FMN2: variants seen among roughly 807,000 people sequenced by gnomAD.
FMN2 encodes formin-2.
Under a neutral mutation model 142.3 loss-of-function variants are expected in FMN2, and 51 were observed. That is an observed-to-expected ratio of 0.36 (90% CI 0.29 to 0.45). FMN2 has a LOEUF of 0.45. Ranked by LOEUF, FMN2 falls within the 20% of genes least tolerant of loss-of-function variation. The pLI is 1.00. For synonymous variants in FMN2, 882 were observed against 869.8 expected, an observed-to-expected ratio of 1.01 and a Z score of -0.25; for missense variants, 1,936 against 2,122.8, an observed-to-expected ratio of 0.91 and a Z score of 1.73.
intron 7 of FMN2, among the ~76,000 whole-genome samples, chr1:240,261,091 G>A (rs576350737): frequency 6.6e-6 from 1 of 152,266 alleles, no homozygotes; most frequent in South Asian, 2.1e-4. Context: ...TGGGTTGTCT[G>A]TTCTGTTTCA....
At chr1:240,119,112 G>A (rs559266837) in intron 1 of FMN2, among the ~76,000 whole-genome samples, 12 of 151,948 alleles carry the variant, frequency 7.9e-5, no homozygotes, top group Non-Finnish European at 1.2e-4. Flanking sequence ...GGCGGATCAC[G>A]AGGTCAGGAG....
chr1:240,437,834 A>G (rs1675451861), intron 15 of FMN2, among the ~76,000 whole-genome samples: 2 of 152,160 alleles, frequency 1.3e-5, no homozygotes, highest in African/African-American at 4.8e-5. Context: ...AGAATTGGTC[A>G]AGGGGTAGTT....
intron 6 of FMN2, among the ~76,000 whole-genome samples, chr1:240,257,373 G>A (rs546918144): frequency 3.3e-5 from 5 of 152,262 alleles, no homozygotes; most frequent in African/African-American, 9.6e-5. Context: ...TCCCCAAAAT[G>A]TGGGTCAAAT....
intron 16 of FMN2, 36 bp from the exon 17 acceptor site, chr1:240,472,336 G>C (rs750775834): frequency 7.9e-6 from 12 of 1,513,256 alleles, no homozygotes; most frequent in Non-Finnish European, 1.1e-5. Flanking sequence ...GATCTAAGTA[G>C]GTTTTGTTTA....
intron 8 of FMN2, among the ~76,000 whole-genome samples, chr1:240,317,684 A>G (rs1305301711): frequency 6.6e-6 from 1 of 152,018 alleles, no homozygotes; most frequent in Non-Finnish European, 1.5e-5. Context: ...TTTGGGTATT[A>G]CACACAAAAC....
chr1:240,445,202 T>C (rs1041371645), intron 16 of FMN2, among the ~76,000 whole-genome samples: 2 of 152,220 alleles, frequency 1.3e-5, no homozygotes, highest in Non-Finnish European at 2.9e-5. Flanking sequence ...CAGTAAGTAA[T>C]GCATTCAACA....
chr1:240,139,253 G>C (rs1215249715), intron 2 of FMN2, among the ~76,000 whole-genome samples: 2 of 140,402 alleles, frequency 1.4e-5, no homozygotes, highest in East Asian at 4.0e-4. Context: ...AGGGTAGATA[G>C]AGGGTGATGC....
At chr1:240,134,349 G>A in intron 2 of FMN2, among the ~76,000 whole-genome samples, 1 of 152,162 alleles carries the variant, frequency 6.6e-6, no homozygotes, top group Non-Finnish European at 1.5e-5. Flanking sequence ...TGGGTGTGGT[G>A]GCTCACACCT....
At chr1:240,426,998 C>T (rs954103262) in intron 15 of FMN2, among the ~76,000 whole-genome samples, 3 of 145,690 alleles carry the variant, frequency 2.1e-5, no homozygotes, top group Non-Finnish European at 4.4e-5. Flanking sequence ...CTTGGCCTCC[C>T]GAAGTGCTTG....
Position 240,474,273 on chromosome 1 carries a change from A to G in FMN2, c.*119A>G, listed in dbSNP as rs1438268149. The G allele has an allele frequency of 8.7e-6, 8 of 922,736 alleles. No homozygotes were observed. The highest frequency in any genetic ancestry group is 1.1e-5 in the Non-Finnish European group (7 of 638,446). 57.2% of individuals were successfully genotyped at this position (922,736 alleles called of 1,614,324 possible). On this transcript the variant is annotated 3_prime_UTR_variant, in exon 18 of 18. Coordinates refer to ENST00000319653, the MANE Select transcript of FMN2 (RefSeq NM_020066.5). The stretch of plus-strand genomic sequence containing the variant: ...CATGTTTCTTCTTGACCTCTTGCAT[A>G]ATCTTTTTGTTTTCTAGACAGTTCA...
chr1:240,381,519 T>A (rs1673225994), intron 14 of FMN2, among the ~76,000 whole-genome samples: 1 of 152,154 alleles, frequency 6.6e-6, no homozygotes, highest in Non-Finnish European at 1.5e-5. Context: ...AGCCCCTGCC[T>A]CACAGGTTCA....
chr1:240,233,110 G>A (rs941992179), intron 6 of FMN2, among the ~76,000 whole-genome samples: 1 of 152,148 alleles, frequency 6.6e-6, no homozygotes, highest in Non-Finnish European at 1.5e-5. Flanking sequence ...GCCGGGCTTG[G>A]TGGCTCACTC....
chr1:240,201,684 A>G (rs1312712877), intron 4 of FMN2, among the ~76,000 whole-genome samples: 1 of 152,214 alleles, frequency 6.6e-6, no homozygotes. Flanking sequence ...ATTGTTTTAA[A>G]TTAAAATGAC....
chr1:240,443,502 C>T (rs1357501986), intron 16 of FMN2, among the ~76,000 whole-genome samples: 1 of 152,064 alleles, frequency 6.6e-6, no homozygotes, highest in Non-Finnish European at 1.5e-5. Context: ...CTTTGGGAGG[C>T]CAAGCACTTT....
Position 240,329,488 on chromosome 1 carries a change from G to T in FMN2, c.4437+20G>T. Reference sequence around the variant, plus strand: ...TGTGAGGTGAGTTCTGGTCCAAAGAGAGCTGAACTTGAGTCTCATTTAATT... The same window carrying T: ...TGTGAGGTGAGTTCTGGTCCAAAGATAGCTGAACTTGAGTCTCATTTAATT... On this transcript the variant is annotated intron_variant, in intron 10 of 17. Coordinates refer to ENST00000319653, the MANE Select transcript of FMN2 (RefSeq NM_020066.5). 1 of 1,607,538 alleles carries T rather than the reference G, an allele frequency of 6.2e-7. No homozygotes were observed. Among genetic ancestry groups the T allele is most frequent in the South Asian group, 1.1e-5 (1 of 89,642 alleles).
At chr1:240,322,457 A>G (rs952780456) in intron 8 of FMN2, among the ~76,000 whole-genome samples, 1 of 152,106 alleles carries the variant, frequency 6.6e-6, no homozygotes, top group Non-Finnish European at 1.5e-5. Context: ...CAGGCGTGCC[A>G]ACACTCAGGC....
rs147534732 is a variant in FMN2, at chr1:240,158,857, G to C, written c.1783-19064G>C. Among the ~76,000 whole-genome samples the C allele has an allele frequency of 1.2e-4, 19 of 152,158 alleles. No individual in the cohort carries two copies. In the East Asian group the frequency reaches 3.5e-3, roughly 28 times the overall value. The stretch of plus-strand genomic sequence containing the variant: ...AGATGTAACATCTCTTAAAGATTGA[G>C]CTAATTAATACCATGTTTTTATGTT... On this transcript the variant is annotated intron_variant, in intron 2 of 17. Coordinates refer to ENST00000319653, the MANE Select transcript of FMN2 (RefSeq NM_020066.5).
chr1:240,326,967 C>T (rs1269726285), intron 8 of FMN2, among the ~76,000 whole-genome samples: 1 of 152,018 alleles, frequency 6.6e-6, no homozygotes, highest in Non-Finnish European at 1.5e-5. Context: ...TGGGTATTGT[C>T]ATTTTTAAAA....
chr1:240,246,618 A>AC (rs1276809891), intron 6 of FMN2, among the ~76,000 whole-genome samples: 1 of 152,186 alleles, frequency 6.6e-6, no homozygotes, highest in South Asian at 2.1e-4. Context: ...GAAACAAAGA[A>AC]CCTCAGTCCC....
Sources: allele counts gnomAD v4.1 joint callset (sites outside exome capture counted in the v4.1 genomes callset), GRCh38; gene constraint gnomAD v4.1.1; transcripts MANE v1.5; gene names NCBI Gene and HGNC (gene_info 2026-07-23, HGNC 2026-07-21).